The following KLHL18 variants were observed in gnomAD, a reference collection of about 807,000 sequenced individuals.
KLHL18 encodes the protein kelch like family member 18.
KLHL18 carries 38 observed loss-of-function variants against 58.5 expected under a neutral mutation model. The ratio of observed to expected loss-of-function variants is 0.65; its 90% confidence interval spans 0.50 to 0.85. The LOEUF (loss-of-function observed/expected upper bound fraction) is 0.85, where lower values mean the gene tolerates loss of function less well. Among genes scored for constraint, KLHL18 ranks in the 40% least tolerant of loss-of-function variants. The pLI is 0.00. For missense variants in KLHL18, 624 were observed against 778.4 expected (o/e 0.80, Z 2.36); for synonymous variants, 303 against 301.9 (o/e 1.00, Z -0.04).
At chr3:47,288,271 A>G (rs1490575906) in intron 1 of KLHL18, among the ~76,000 whole-genome samples, 2 of 151,366 alleles carry the variant, frequency 1.3e-5, no homozygotes, top group African/African-American at 2.4e-5. Context: ...GCACTAATTC[A>G]TTAGCCTGCT....
Position 47,283,012 on chromosome 3 carries a change from C to G in KLHL18, c.47C>G (p.Ser16Cys), listed in dbSNP as rs1576118605. Residue 16 changes from serine to cysteine, a missense_variant, in exon 1 of 10, where the codon TCC becomes TGC. Transcript: ENST00000232766. ...AEELEDLVHF[S>C]VSELPSRGYG... is the part of the protein sequence containing the mutation. Reference sequence around the variant, plus strand: ...GAGCTGGAGGATCTGGTGCACTTCTCCGTGTCTGAGTTGCCTAGTCGCGGC... The same window carrying G: ...GAGCTGGAGGATCTGGTGCACTTCTGCGTGTCTGAGTTGCCTAGTCGCGGC... The G allele has an allele frequency of 6.2e-7, 1 of 1,610,268 alleles. No homozygotes were observed. The highest frequency in any genetic ancestry group is 1.3e-5 in the African/African-American group (1 of 74,860).
intron 1 of KLHL18, 193 bp downstream of exon 1, chr3:47,283,287 C>T (rs960977211): frequency 9.8e-6 from 6 of 610,672 alleles, no homozygotes; most frequent in South Asian, 2.0e-5. Flanking sequence ...AAGAGGACAA[C>T]CTTTCAGCCC....
chr3:47,322,180 T>C (rs1261501967), intron 2 of KLHL18, among the ~76,000 whole-genome samples: 1 of 152,340 alleles, frequency 6.6e-6, no homozygotes, highest in East Asian at 1.9e-4. Context: ...TATTTGCATG[T>C]TGAAATATTA....
At chr3:47,308,253 T>A (rs923670382) in intron 1 of KLHL18, among the ~76,000 whole-genome samples, 39 of 152,302 alleles carry the variant, frequency 2.6e-4, no homozygotes, top group South Asian at 6.2e-4. Context: ...TTTATTTTTT[T>A]AAAAATTTTA....
intron 1 of KLHL18, chr3:47,287,378 C>T (rs185118473): frequency 6.6e-6 from 1 of 152,312 alleles, no homozygotes; most frequent in Non-Finnish European, 1.5e-5. Context: ...GTAAAATGCA[C>T]ATCACCACCT....
intron 1 of KLHL18, among the ~76,000 whole-genome samples, chr3:47,309,097 A>G (rs1430547684): frequency 3.3e-5 from 5 of 152,254 alleles, no homozygotes; most frequent in Non-Finnish European, 4.4e-5. Flanking sequence ...GTAAGCTCAT[A>G]GATCAACAGC....
At position 47,334,727 on chromosome 3, in the gene KLHL18, G is replaced by A. The variant is rs773078483; in HGVS notation, c.806G>A (p.Arg269His). Reference sequence around the variant, plus strand: ...AAGGACTACCACCTCATGCCAGAGCGCCGGCCCCACCTGCCAGCTTTCAGA... The same window carrying A: ...AAGGACTACCACCTCATGCCAGAGCACCGGCCCCACCTGCCAGCTTTCAGA... The part of the protein sequence containing the change: ...EAKDYHLMPE[R>H]RPHLPAFRTR... The change falls in exon 6 of 10, where the codon CGC (arginine) becomes CAC (histidine). Residue 269 changes from arginine (R) to histidine (H), a missense_variant. Transcript: ENST00000232766. The surrounding 1 kb of genome is among the most constrained non-coding windows in gnomAD (Gnocchi z 4.7). The A allele has an allele frequency of 7.4e-6, 12 of 1,613,994 alleles. No individual in the cohort carries two copies. Among genetic ancestry groups the A allele is most frequent in the East Asian group, 2.2e-5 (1 of 44,880 alleles).
At chr3:47,339,490 C>CAAAAAA (rs535713738) in intron 7 of KLHL18, among the ~76,000 whole-genome samples, 1 of 69,228 alleles carries the variant, frequency 1.4e-5, no homozygotes. Context: ...GACCTCATCT[C>CAAAAAA]AAAAAAAAAA....
chr3:47,307,975 C>T (rs1452608950), intron 1 of KLHL18, among the ~76,000 whole-genome samples: 1 of 152,088 alleles, frequency 6.6e-6, no homozygotes, highest in African/African-American at 2.4e-5. Context: ...GGCAGTTCTG[C>T]CTACCTTATT....
intron 1 of KLHL18, among the ~76,000 whole-genome samples, chr3:47,314,792 G>A (rs964148517): frequency 1.3e-5 from 2 of 152,152 alleles, no homozygotes; most frequent in Non-Finnish European, 2.9e-5. Context: ...CTTATAAGAT[G>A]TAGCTTTCAG....
At chr3:47,317,972 G>A (rs138078498) in intron 1 of KLHL18, among the ~76,000 whole-genome samples, 12 of 152,248 alleles carry the variant, frequency 7.9e-5, no homozygotes, top group East Asian at 1.9e-4. Flanking sequence ...AGGTTCAAGC[G>A]ACTCTCCTGC....
At chr3:47,292,834 G>T (rs185597100) in intron 1 of KLHL18, among the ~76,000 whole-genome samples, 4 of 151,584 alleles carry the variant, frequency 2.6e-5, no homozygotes, top group Non-Finnish European at 5.9e-5. Flanking sequence ...TGAGCCCCGG[G>T]AGGTCAAGGC....
intron 1 of KLHL18, among the ~76,000 whole-genome samples, chr3:47,292,511 C>CAGAT (rs1184192025): frequency 6.6e-6 from 1 of 151,212 alleles, no homozygotes; most frequent in Non-Finnish European, 1.5e-5. Flanking sequence ...AGCTCAAGAA[C>CAGAT]AGATAGATAC....
chr3:47,336,815 T>G (rs531382098), intron 7 of KLHL18, 58 bp downstream of exon 7: 1 of 1,378,874 alleles, frequency 7.3e-7, no homozygotes, highest in Non-Finnish European at 1.0e-6. Flanking sequence ...GGGAGCGCCA[T>G]GCTAGACGAG....
At position 47,343,540 on chromosome 3, in the gene KLHL18, C is replaced by T. The variant is rs763197402; in HGVS notation, c.1339-15C>T. The T allele has an allele frequency of 6.2e-7, 1 of 1,612,644 alleles. No homozygotes were observed. The highest frequency in any genetic ancestry group is 1.1e-5 in the South Asian group (1 of 91,026). ...CTCTGACTGTCCTGTACCTGTGCCT[C>T]TCTCCCCACTGCAGGTGGAACACTA... is the stretch of plus-strand genomic sequence containing the variant. On this transcript the variant is annotated splice_polypyrimidine_tract_variant and intron_variant, in intron 9 of 9. Transcript: ENST00000232766.
Position 47,333,285 on chromosome 3 carries a change from G to A in KLHL18, c.729G>A (p.Gln243=). Residue 243 remains glutamine (Q), a synonymous_variant, in exon 5 of 10, where the codon CAG becomes CAA. Transcript: ENST00000232766. ...AGTTCCTTTCAGACAGAGTACAGCA[G>A]GATGACCTGGTGCGTTGCTGCCACA... ...RPQFLSDRVQ[Q]DDLVRCCHKC... 6.2e-7 allele frequency: 1 copy of A among 1,614,102 alleles called. No homozygotes were observed. The highest frequency in any genetic ancestry group is 8.5e-7 in the Non-Finnish European group (1 of 1,179,992).
chr3:47,290,615 C>T (rs1702772076), intron 1 of KLHL18, among the ~76,000 whole-genome samples: 1 of 152,158 alleles, frequency 6.6e-6, no homozygotes, highest in Non-Finnish European at 1.5e-5. Context: ...GTGTATGCCA[C>T]CACGCCTGGC....
At chr3:47,336,831 GCA>G in intron 7 of KLHL18, 74 bp downstream of exon 7, 1 of 1,166,388 alleles carries the variant, frequency 8.6e-7, no homozygotes, top group Admixed American at 1.9e-5. Context: ...ACGAGCAGGG[GCA>G]CACAGTAGAG....
chr3:47,292,142 T>C (rs906628935), intron 1 of KLHL18, among the ~76,000 whole-genome samples: 4 of 152,190 alleles, frequency 2.6e-5, no homozygotes, highest in Non-Finnish European at 4.4e-5. Flanking sequence ...AGTTCAAATA[T>C]GACCCAATAT....
Sources: gnomAD v4.1 joint callset for allele counts (sites outside exome capture counted in the v4.1 genomes callset) on GRCh38, gnomAD v4.1.1 for gene constraint, Gnocchi (gnomAD v3.1) non-coding constraint, MANE v1.5 for transcripts, NCBI Gene and HGNC (gene_info 2026-07-23, HGNC 2026-07-21) for gene names.